Variants in LYRM4 observed in about 807,000 individuals in gnomAD.
The protein encoded by LYRM4 is LYR motif containing 4.
In LYRM4, 9 loss-of-function variants were observed where a neutral mutation model predicts 11.7. The ratio of observed to expected loss-of-function variants is 0.77; its 90% CI spans 0.46 to 1.34. LYRM4 has a LOEUF of 1.34. LYRM4 is among the 40% of genes most tolerant of loss of function. LYRM4 has a pLI of 0.00. For missense variants in LYRM4, 133 were observed against 112.5 expected, an observed-to-expected ratio of 1.18 and a Z score of -0.82; for synonymous variants, 42 against 40.4, an observed-to-expected ratio of 1.04 and a Z score of -0.15.
At chr6:5,209,819 G>T (rs1309179287) in intron 2 of LYRM4, among the ~76,000 whole-genome samples, 1 of 152,200 alleles carries the variant, frequency 6.6e-6, no homozygotes, top group Admixed American at 6.5e-5. Context: ...GGAACAGGGA[G>T]AAATCAAACC....
At chr6:5,099,963 T>C (rs762054106), downstream of LYRM4, among the ~76,000 whole-genome samples, 1 of 152,158 alleles carries the variant, frequency 6.6e-6, no homozygotes, top group Non-Finnish European at 1.5e-5. The surrounding 1 kb of genome is among the most constrained non-coding windows in gnomAD (Gnocchi z 4.3). Context: ...CTCTCCTCCT[T>C]GGTCTCTCCT....
In LYRM4 at chr6:5,126,616, T is replaced by C. The variant is rs539728701; in HGVS notation, c.208-17125A>G. Among the ~76,000 whole-genome samples, 12 of 152,326 alleles carry C rather than the reference T, an allele frequency of 7.9e-5. No homozygotes were observed. In the South Asian group the frequency reaches 2.5e-3, roughly 32 times the overall value. ...AACTGATGAACAAATAAATAAAATG[T>C]GGTATGTTCATACAATGGAATATTA... On this transcript the variant is annotated intron_variant, in intron 2 of 2. Transcript: ENST00000330636.
chr6:5,145,477 G>A (rs200869), intron 2 of LYRM4, among the ~76,000 whole-genome samples: 142,549 of 152,268 alleles, frequency 0.94, 66,855 homozygotes, highest in African/African-American at 0.98. Context: ...GGTGACTCCG[G>A]AGTCAACGCT....
chr6:5,100,489 G>A (rs1178006075), downstream of LYRM4, among the ~76,000 whole-genome samples: 1 of 151,576 alleles, frequency 6.6e-6, no homozygotes, highest in Non-Finnish European at 1.5e-5. Context: ...ATCCCAGACA[G>A]AAACAGCAGC....
intron 2 of LYRM4, among the ~76,000 whole-genome samples, chr6:5,188,264 A>C (rs1760540424): frequency 6.6e-6 from 1 of 152,140 alleles, no homozygotes; most frequent in Non-Finnish European, 1.5e-5. Flanking sequence ...ATGAGGTGCC[A>C]GCTACTTAGG....
At chr6:5,078,483 T>C in the LYRM4 span, among the ~76,000 whole-genome samples, 1 of 152,200 alleles carries the variant, frequency 6.6e-6, no homozygotes, top group East Asian at 1.9e-4. Flanking sequence ...ATGTAAGCAG[T>C]GTTTAGTACA....
chr6:5,149,647 C>G (rs1328735886), intron 2 of LYRM4, among the ~76,000 whole-genome samples: 1 of 152,094 alleles, frequency 6.6e-6, no homozygotes. Flanking sequence ...CCTGAAGTCC[C>G]TGACTACTGT....
intron 2 of LYRM4, among the ~76,000 whole-genome samples, chr6:5,209,598 G>A (rs17312134): frequency 0.26 from 39,458 of 152,070 alleles, 5,456 homozygotes; most frequent in Middle Eastern, 0.41. Flanking sequence ...AGAGTGCTAG[G>A]TCCCTGAAGA....
chr6:5,260,108 T>C (rs1320875176), intron 1 of LYRM4, among the ~76,000 whole-genome samples: 1 of 152,198 alleles, frequency 6.6e-6, no homozygotes, highest in East Asian at 1.9e-4. Flanking sequence ...GAGACCCTTT[T>C]TCCTTTTCCG....
At chr6:5,083,510 G>C in the LYRM4 span, among the ~76,000 whole-genome samples, 8 of 152,226 alleles carry the variant, frequency 5.3e-5, no homozygotes, top group South Asian at 1.0e-3. Flanking sequence ...CCCAGCCCAG[G>C]CTTAGTAGTG....
intron 2 of LYRM4, chr6:5,113,554 C>G: frequency 7.5e-6 from 2 of 267,516 alleles, no homozygotes; most frequent in South Asian, 6.6e-5. Flanking sequence ...AAGACTGCTG[C>G]AGGTGGATGC....
chr6:5,174,466 T>A (rs1427286688), intron 2 of LYRM4, among the ~76,000 whole-genome samples: 1 of 152,106 alleles, frequency 6.6e-6, no homozygotes. Flanking sequence ...ACAATGATAG[T>A]CTTCACAAAA....
At chr6:5,115,454 C>T (rs1170456740) in intron 2 of LYRM4, among the ~76,000 whole-genome samples, 1 of 152,172 alleles carries the variant, frequency 6.6e-6, no homozygotes, top group Non-Finnish European at 1.5e-5. Flanking sequence ...AGAACAAGAA[C>T]ACGGGATTCT....
At chr6:5,234,550 C>T (rs528854371) in intron 1 of LYRM4, among the ~76,000 whole-genome samples, 1 of 152,288 alleles carries the variant, frequency 6.6e-6, no homozygotes, top group South Asian at 2.1e-4. Flanking sequence ...GAAGTCTTTC[C>T]AGGGAAGGTG....
intron 2 of LYRM4, among the ~76,000 whole-genome samples, chr6:5,154,905 G>A (rs1243463463): frequency 5.3e-5 from 8 of 152,142 alleles, no homozygotes; most frequent in Admixed American, 2.6e-4. Flanking sequence ...AGTGTCAGAG[G>A]GGGGCATCAG....
intron 1 of LYRM4, among the ~76,000 whole-genome samples, chr6:5,255,297 G>C (rs916627552): frequency 4.6e-5 from 7 of 152,140 alleles, no homozygotes; most frequent in African/African-American, 1.7e-4. Context: ...TAGACACTAA[G>C]TGATATGTGA....
the LYRM4 span, among the ~76,000 whole-genome samples, chr6:5,084,026 C>T: frequency 9.9e-5 from 15 of 152,164 alleles, no homozygotes; most frequent in Admixed American, 2.0e-4. Flanking sequence ...TCCCAGCTAC[C>T]TTAGAGGCTG....
the LYRM4 span, chr6:5,086,577 G>A: frequency 2.0e-6 from 3 of 1,489,890 alleles, no homozygotes; most frequent in Admixed American, 4.4e-5. Context: ...GGAGAGTTTC[G>A]AAGAGCCGTG....
At chr6:5,194,732 T>A (rs1760956970) in intron 2 of LYRM4, among the ~76,000 whole-genome samples, 1 of 152,230 alleles carries the variant, frequency 6.6e-6, no homozygotes, top group Non-Finnish European at 1.5e-5. Flanking sequence ...GTGAATTTTA[T>A]TTTATTTTAT....
Sources: gnomAD v4.1 joint callset for allele counts (sites outside exome capture counted in the v4.1 genomes callset) on GRCh38, gnomAD v4.1.1 for gene constraint, Gnocchi (gnomAD v3.1) non-coding constraint, MANE v1.5 for transcripts, NCBI Gene and HGNC (gene_info 2026-07-23, HGNC 2026-07-21) for gene names.